Variants in OPHN1 observed in about 807,000 individuals in gnomAD.
OPHN1 encodes the protein oligophrenin-1.
In OPHN1, 11 loss-of-function variants were observed where a neutral mutation model predicts 60.7. That is an observed-to-expected ratio of 0.18 (90% CI 0.11 to 0.30). The LOEUF is 0.30. Among genes scored for constraint, OPHN1 ranks in the 10% least tolerant of loss-of-function variants. OPHN1 has a pLI of 1.00. For synonymous variants in OPHN1, 226 were observed against 222.6 expected, an observed-to-expected ratio of 1.02 and a Z score of -0.14; for missense variants, 449 against 611.0, an observed-to-expected ratio of 0.73 and a Z score of 2.80.
At chrX:68,367,800 G>A (rs761546477) in intron 2 of OPHN1, among the ~76,000 whole-genome samples, 1 of 110,867 alleles carries the variant, frequency 9.0e-6, no homozygotes, top group Non-Finnish European at 1.9e-5. Flanking sequence ...GTTTTATAAG[G>A]GGCTTCCTCC....
chrX:68,426,303 T>C (rs1456970123), intron 2 of OPHN1, among the ~76,000 whole-genome samples: 1 of 107,835 alleles, frequency 9.3e-6, no homozygotes. Flanking sequence ...TAGCTGGGCG[T>C]GGTAGCGCAC....
At chrX:68,086,204 A>G (rs947153318) in intron 19 of OPHN1, among the ~76,000 whole-genome samples, 3 of 96,897 alleles carry the variant, frequency 3.1e-5, no homozygotes, top group African/African-American at 1.0e-4. Context: ...GCAGAAATAA[A>G]TCCTAAAAGA....
chrX:68,067,847 T>TC (rs1000671715), intron 20 of OPHN1, among the ~76,000 whole-genome samples: 1 of 111,823 alleles, frequency 8.9e-6, no homozygotes, highest in Non-Finnish European at 1.9e-5. Context: ...CAGGATTGGT[T>TC]CCTTCTCAGA....
intron 18 of OPHN1, among the ~76,000 whole-genome samples, chrX:68,097,574 G>A (rs181437241): frequency 9.0e-5 from 10 of 111,578 alleles, no homozygotes; most frequent in Non-Finnish European, 1.5e-4. Context: ...GAATTTGCTC[G>A]AAGTCACAGT....
rs1184272933 is a variant in OPHN1 at position 68,044,499 on chromosome X, A to G, written c.*2673T>C. ...CCAGTTCATCACTTTCAGTTCATCC[A>G]TTGCCAGATTCTCTAACTTGCTGGC... On this transcript the variant is annotated 3_prime_UTR_variant, in exon 25 of 25. Coordinates refer to ENST00000355520, the MANE Select transcript of OPHN1 (RefSeq NM_002547.3). 1 of 112,579 alleles carries G rather than the reference A, an allele frequency of 8.9e-6. No homozygotes were observed. The highest frequency in any genetic ancestry group is 2.8e-4 in the East Asian group (1 of 3,594). The allele number at this position is 112,579 out of a possible 1,213,427, so 9.3% of individuals were successfully genotyped here.
rs73530464 is a variant in OPHN1, at chrX:68,213,548, G to A, written c.597+314C>T. Among the ~76,000 whole-genome samples the A allele has an allele frequency of 0.015, 1,681 of 108,671 alleles. 39 individuals are homozygous for A. The highest frequency in any genetic ancestry group is 0.054 in the African/African-American group (1,605 of 29,675). The allele number at this position is 108,671 out of a possible 115,157, so 94.4% of individuals were successfully genotyped here. ...AAGACTTTCAGAAGCTTCTGAAAGC[G>A]CAAGAAGAAGGAAGGGAGGGAAACA... On this transcript the variant is annotated intron_variant, in intron 7 of 24. Transcript: ENST00000355520.
chrX:68,276,852 G>A (rs939406458), intron 4 of OPHN1, among the ~76,000 whole-genome samples: 3 of 110,594 alleles, frequency 2.7e-5, no homozygotes, highest in Non-Finnish European at 3.8e-5. Flanking sequence ...TAATTACCCT[G>A]AGATTACCAA....
At chrX:68,241,467 C>A (rs1294373268) in intron 5 of OPHN1, among the ~76,000 whole-genome samples, 1 of 111,381 alleles carries the variant, frequency 9.0e-6, no homozygotes, top group Non-Finnish European at 1.9e-5. Context: ...TGTAAGAGAA[C>A]ATTTATTGAC....
intron 2 of OPHN1, among the ~76,000 whole-genome samples, chrX:68,301,745 A>G (rs2078122158): frequency 1.8e-5 from 2 of 111,890 alleles, no homozygotes; most frequent in African/African-American, 6.5e-5. Context: ...CACTATGTCA[A>G]TATTTTTCAG....
chrX:68,393,913 T>TTTTTTTTTTTTAAA, intron 2 of OPHN1, among the ~76,000 whole-genome samples: 1 of 89,491 alleles, frequency 1.1e-5, no homozygotes, highest in South Asian at 5.8e-4. Context: ...TTTTTTTTTT[T>TTTTTTTTTTTTAAA]GAGACGGAGT....
At chrX:68,227,778 C>T (rs1277005144) in intron 6 of OPHN1, among the ~76,000 whole-genome samples, 1 of 110,673 alleles carries the variant, frequency 9.0e-6, no homozygotes, top group Non-Finnish European at 1.9e-5. Context: ...AAATTTATAG[C>T]ACTAAATGCC....
intron 16 of OPHN1, 105 bp from the exon 17 acceptor site, chrX:68,113,344 A>G (rs766152559): frequency 1.6e-6 from 1 of 612,129 alleles, no homozygotes; most frequent in East Asian, 3.5e-5. Context: ...CCTACAGCTT[A>G]GTGGGATTAT....
chrX:68,133,076 A>G (rs2077204612), intron 15 of OPHN1: 1 of 530,330 alleles, frequency 1.9e-6, no homozygotes, highest in Admixed American at 2.6e-5. Context: ...GCGCCTTACA[A>G]TTCCGGAGAA....
intron 2 of OPHN1, among the ~76,000 whole-genome samples, chrX:68,372,024 T>C (rs73539289): frequency 0.17 from 18,640 of 111,847 alleles, 1,619 homozygotes; most frequent in African/African-American, 0.34. Context: ...GGATTACAGG[T>C]GTGAGCCACC....
chrX:68,405,881 C>T (rs774754814), intron 2 of OPHN1, among the ~76,000 whole-genome samples: 11 of 111,326 alleles, frequency 9.9e-5, no homozygotes, highest in Non-Finnish European at 2.1e-4. Context: ...TAGTGGCGCA[C>T]ACCTATAATC....
At position 68,368,868 on chromosome X, in the gene OPHN1, T is replaced by A. The variant is rs893104974; in HGVS notation, c.154+63999A>T. Reference sequence around the variant, plus strand: ...GGACAAGATATAGTCTTTGCAGAAGTAGCTTGGAAAAGTAAGTAAACCAAA... The same window carrying A: ...GGACAAGATATAGTCTTTGCAGAAGAAGCTTGGAAAAGTAAGTAAACCAAA... On this transcript the variant is annotated intron_variant, in intron 2 of 24. Transcript: ENST00000355520. Among the ~76,000 whole-genome samples the A allele has an allele frequency of 3.6e-5, 4 of 111,842 alleles. No individual in the cohort carries two copies. The East Asian group carries it at 1.1e-3, about 32-fold the overall frequency.
At chrX:68,227,199 AG>A in intron 6 of OPHN1, among the ~76,000 whole-genome samples, 1 of 112,167 alleles carries the variant, frequency 8.9e-6, no homozygotes, top group East Asian at 2.8e-4. Flanking sequence ...TTCAACAAGA[AG>A]AGCTAACTAT....
intron 6 of OPHN1, among the ~76,000 whole-genome samples, chrX:68,217,233 C>G (rs1047888422): frequency 2.0e-4 from 22 of 111,872 alleles, no homozygotes; most frequent in African/African-American, 7.2e-4. Flanking sequence ...GCTTAAAAAA[C>G]GGAGCACCAC....
chrX:68,122,470 G>A (rs1464707860), intron 15 of OPHN1, among the ~76,000 whole-genome samples: 1 of 111,383 alleles, frequency 9.0e-6, no homozygotes, highest in African/African-American at 3.3e-5. Context: ...GACCATTCAA[G>A]AAAATATGAC....
Sources: gnomAD v4.1 joint callset for allele counts (sites outside exome capture counted in the v4.1 genomes callset) on GRCh38, gnomAD v4.1.1 for gene constraint, MANE v1.5 for transcripts, NCBI Gene and HGNC (gene_info 2026-07-23, HGNC 2026-07-21) for gene names.